The following CP variants were observed in gnomAD, a reference collection of about 807,000 sequenced individuals.
CP encodes caeruloplasmin.
A neutral mutation model predicts 122.4 loss-of-function variants in CP; 64 were observed. That is an observed-to-expected ratio of 0.52 (90% CI 0.43 to 0.64). The LOEUF is 0.64. Ranked by LOEUF, CP falls within the 30% of genes least tolerant of loss-of-function variation. The probability of loss-of-function intolerance (pLI) is 0.00; values close to 1 mark genes in which losing one functional copy is unlikely to be tolerated. For missense variants in CP, 1,167 were observed against 1,284.4 expected (o/e 0.91, Z 1.40); for synonymous variants, 440 against 436.4 (o/e 1.01, Z -0.10).
chr3:149,185,493 C>CT, intron 11 of CP, 47 bp from the exon 12 acceptor site: 1 of 1,560,458 alleles, frequency 6.4e-7, no homozygotes, highest in Non-Finnish European at 8.8e-7. Flanking sequence ...CTAGTGCCCT[C>CT]TGGGGCTCTC....
chr3:149,221,208 G>A (rs751414846), intron 1 of CP, among the ~76,000 whole-genome samples: 8 of 152,028 alleles, frequency 5.3e-5, no homozygotes, highest in Admixed American at 3.3e-4. Context: ...ATAAATATCA[G>A]GCAGGATCTT....
intron 6 of CP, among the ~76,000 whole-genome samples, chr3:149,205,001 T>TCAACAACAACAA (rs146212020): frequency 6.6e-6 from 1 of 151,524 alleles, no homozygotes; most frequent in African/African-American, 2.4e-5. Context: ...CTCCTACAGG[T>TCAACAACAACAA]CAACAACAAC....
chr3:149,183,717 G>C, intron 12 of CP, 112 bp from the exon 13 acceptor site: 4 of 756,766 alleles, frequency 5.3e-6, no homozygotes, highest in Non-Finnish European at 8.3e-6. Context: ...AATTATAGTA[G>C]TTTTAAATCA....
intron 9 of CP, among the ~76,000 whole-genome samples, chr3:149,188,490 C>CAAAAA (rs60815739): frequency 0.024 from 1,101 of 45,984 alleles, 102 homozygotes; most frequent in Non-Finnish European, 0.04. Flanking sequence ...TTGAAGCCTC[C>CAAAAA]AAAAAAAAAA....
chr3:149,177,405 T>C (rs1725488364), intron 17 of CP, among the ~76,000 whole-genome samples: 1 of 152,226 alleles, frequency 6.6e-6, no homozygotes, highest in Admixed American at 6.5e-5. Context: ...TGCTGTGCCT[T>C]ATATAGGCAT....
At chr3:149,197,324 G>GT (rs1311066385) in intron 9 of CP, among the ~76,000 whole-genome samples, 1 of 152,120 alleles carries the variant, frequency 6.6e-6, no homozygotes, top group African/African-American at 2.4e-5. Context: ...AGAAGTTCCT[G>GT]TTTATAGAGA....
chr3:149,170,228 G>C (rs1724839473), downstream of CP, among the ~76,000 whole-genome samples: 1 of 152,170 alleles, frequency 6.6e-6, no homozygotes, highest in Non-Finnish European at 1.5e-5. Flanking sequence ...CCTTATTTGG[G>C]AGAAGAGGAG....
chr3:149,214,986 A>G (rs1728370521), intron 1 of CP, among the ~76,000 whole-genome samples: 1 of 152,170 alleles, frequency 6.6e-6, no homozygotes, highest in Non-Finnish European at 1.5e-5. Context: ...GGACCAATCA[A>G]TCTCACAGAG....
At chr3:149,177,123 A>G (rs1166364971) in intron 17 of CP, among the ~76,000 whole-genome samples, 1 of 152,190 alleles carries the variant, frequency 6.6e-6, no homozygotes, top group African/African-American at 2.4e-5. Context: ...ATTGAGATGT[A>G]CAGACCAGTT....
In CP at chr3:149,188,490, C is replaced by CAAAAAAAAAAAA. The variant is rs60815739; in HGVS notation, c.1714-300_1714-289dup. 2.4e-4 allele frequency among the ~76,000 whole-genome samples: 11 copies of CAAAAAAAAAAAA among 46,094 alleles called. 1 individual carries two copies. Among genetic ancestry groups the CAAAAAAAAAAAA allele is most frequent in the Non-Finnish European group, 3.5e-4 (8 of 22,592 alleles). 30.2% of individuals were successfully genotyped at this position (46,094 alleles called of 152,430 possible). On this transcript the variant is annotated intron_variant, in intron 9 of 18. Transcript: ENST00000264613. The stretch of plus-strand genomic sequence containing the variant: ...CATTGTGCATACCAATTGAAGCCTC[C>CAAAAAAAAAAAA]AAAAAAAAAAAAAAAAAAAAAAAAA...
At position 149,206,232 on chromosome 3, in the gene CP, T is replaced by C. The variant is rs769640904; in HGVS notation, c.1144A>G (p.Ile382Val). The C allele has an allele frequency of 6.2e-7, 1 of 1,614,060 alleles. No homozygotes were observed. The highest frequency in any genetic ancestry group is 8.5e-7 in the Non-Finnish European group (1 of 1,179,910). The change falls in exon 6 of 19, where the codon ATC becomes GTC. Residue 382 changes from isoleucine (I) to valine (V), a missense_variant. By Grantham distance (29) the Ile-to-Val change is conservative (BLOSUM62 3). Transcript: ENST00000264613. ...ATACCAGAGGGAGCATAGTTCCAGA[T>C]GATTTCCTCAGCGGCAATGTAGTAG... ...RHYYIAAEEI[I>V]WNYAPSGIDI...
chr3:149,206,459 G>C, intron 5 of CP, 120 bp from the exon 6 acceptor site: 1 of 1,153,176 alleles, frequency 8.7e-7, no homozygotes, highest in Non-Finnish European at 1.3e-6. Flanking sequence ...GATAGCAACA[G>C]TACTATAAAC....
chr3:149,217,050 G>A lies in CP; in HGVS notation c.147-4352C>T, dbSNP rs1013394863. On this transcript the variant is annotated intron_variant, in intron 1 of 18. Transcript: ENST00000264613. ...TGAGTAGCTGGGACTACAGGCGCAC[G>A]CCACCACACCTAGCTAATTTTTGTA... Among the ~76,000 whole-genome samples the A allele has an allele frequency of 2.6e-5, 4 of 151,854 alleles. No homozygotes were observed. The East Asian group carries it at 5.8e-4, about 22-fold the overall frequency.
intron 6 of CP, among the ~76,000 whole-genome samples, chr3:149,205,330 G>T (rs1004523828): frequency 4.0e-5 from 6 of 150,010 alleles, no homozygotes; most frequent in Admixed American, 2.0e-4. Context: ...ATTAAAAATA[G>T]AATTACCATT....
intron 9 of CP, among the ~76,000 whole-genome samples, chr3:149,189,582 A>G (rs1726413163): frequency 6.6e-6 from 1 of 151,966 alleles, no homozygotes; most frequent in African/African-American, 2.4e-5. Flanking sequence ...TTATGAAACG[A>G]AAAAATCAGG....
At chr3:149,176,849 A>AAAAC (rs2108212067) in intron 17 of CP, 1 of 162,894 alleles carries the variant, frequency 6.1e-6, no homozygotes, top group South Asian at 1.7e-4. Flanking sequence ...GAAAACGACA[A>AAAAC]AAACCAGAGG....
chr3:149,220,588 A>G (rs1728745076), intron 1 of CP, among the ~76,000 whole-genome samples: 1 of 152,108 alleles, frequency 6.6e-6, no homozygotes, highest in African/African-American at 2.4e-5. Flanking sequence ...TTCATAATAT[A>G]ATAATTGGAT....
chr3:149,181,119 C>T (rs1725745327), intron 14 of CP, among the ~76,000 whole-genome samples: 1 of 152,070 alleles, frequency 6.6e-6, no homozygotes, highest in South Asian at 2.1e-4. Context: ...ACCAACAGCC[C>T]CTTAAAAGGT....
At chr3:149,171,776 C>T (rs1394072041), downstream of CP, among the ~76,000 whole-genome samples, 1 of 141,398 alleles carries the variant, frequency 7.1e-6, no homozygotes. Flanking sequence ...GCAATCTCAA[C>T]TCACTGCAAC....
Sources: gnomAD v4.1 joint callset for allele counts (sites outside exome capture counted in the v4.1 genomes callset) on GRCh38, gnomAD v4.1.1 for gene constraint, MANE v1.5 for transcripts, NCBI Gene and HGNC (gene_info 2026-07-23, HGNC 2026-07-21) for gene names.